TFB1M: variants seen among roughly 807,000 people sequenced by gnomAD.
The protein encoded by TFB1M is transcription factor B1, mitochondrial.
Under a neutral mutation model 31.1 loss-of-function variants are expected in TFB1M, and 27 were observed. That is an observed-to-expected ratio of 0.87 (90% CI 0.64 to 1.20). The LOEUF (loss-of-function observed/expected upper bound fraction) is 1.20. Ranked by LOEUF, TFB1M falls within the 50% of genes most tolerant of loss-of-function variation. The pLI is 0.00. For missense variants in TFB1M, 394 were observed against 418.7 expected (o/e 0.94, Z 0.51); for synonymous variants, 166 against 151.8 (o/e 1.09, Z -0.69).
the TFB1M span, among the ~76,000 whole-genome samples, chr6:155,242,478 G>C: frequency 6.6e-6 from 1 of 152,308 alleles, no homozygotes; most frequent in South Asian, 2.1e-4. Context: ...GGTGAGGGAA[G>C]GCCAGGGAGG....
At chr6:155,236,334 A>G in the TFB1M span, among the ~76,000 whole-genome samples, 1 of 151,960 alleles carries the variant, frequency 6.6e-6, no homozygotes, top group South Asian at 2.1e-4. Context: ...CATGCAGGCC[A>G]CACATTAGCA....
At chr6:155,284,130 G>A (rs1776514378) in intron 5 of TFB1M, among the ~76,000 whole-genome samples, 1 of 152,274 alleles carries the variant, frequency 6.6e-6, no homozygotes, top group Admixed American at 6.5e-5. Flanking sequence ...TCACCTGAAC[G>A]CTCAGCTAAC....
intron 5 of TFB1M, among the ~76,000 whole-genome samples, chr6:155,268,023 T>G (rs1784741509): frequency 6.6e-6 from 1 of 152,178 alleles, no homozygotes; most frequent in Non-Finnish European, 1.5e-5. Flanking sequence ...AGACAGGAAA[T>G]TTTGGGTTCT....
intron 2 of TFB1M, among the ~76,000 whole-genome samples, chr6:155,308,843 T>C: frequency 6.6e-6 from 1 of 152,196 alleles, no homozygotes; most frequent in East Asian, 1.9e-4. Context: ...ATCCTTAAAA[T>C]AGATCACCTT....
chr6:155,276,151 A>G (rs768237797), intron 5 of TFB1M: 2 of 1,614,232 alleles, frequency 1.2e-6, no homozygotes, highest in South Asian at 2.2e-5. Context: ...AGGAGATCAT[A>G]GCAAACTTTC....
At chr6:155,300,735 CT>C (rs1454251988) in intron 2 of TFB1M, among the ~76,000 whole-genome samples, 2 of 152,164 alleles carry the variant, frequency 1.3e-5, no homozygotes, top group African/African-American at 2.4e-5. Context: ...ACAGGTACAA[CT>C]GTATATCTAA....
At chr6:155,305,990 T>C (rs1312045813) in intron 2 of TFB1M, among the ~76,000 whole-genome samples, 4 of 151,404 alleles carry the variant, frequency 2.6e-5, no homozygotes, top group Non-Finnish European at 5.9e-5. Flanking sequence ...ATCTGAACCA[T>C]ATAAATATCT....
At chr6:155,274,477 G>C (rs879744680) in intron 5 of TFB1M, among the ~76,000 whole-genome samples, 1 of 152,188 alleles carries the variant, frequency 6.6e-6, no homozygotes, top group Non-Finnish European at 1.5e-5. Flanking sequence ...AACTAATGAT[G>C]TGGTTATTTC....
At chr6:155,313,255 G>GA (rs79295369) in intron 1 of TFB1M, 1,955 of 103,974 alleles carry the variant, frequency 0.019, 27 homozygotes, top group Non-Finnish European at 0.023. Flanking sequence ...CTTAAAAAAA[G>GA]AAAAAAAAAA....
At chr6:155,304,829 T>C (rs963082920) in intron 2 of TFB1M, among the ~76,000 whole-genome samples, 4 of 151,884 alleles carry the variant, frequency 2.6e-5, no homozygotes, top group Non-Finnish European at 4.4e-5. Context: ...GTCTTCAGTC[T>C]ATAGTAATAA....
At chr6:155,260,674 C>T in intron 5 of TFB1M, 3 of 488,338 alleles carry the variant, frequency 6.1e-6, no homozygotes, top group Non-Finnish European at 1.1e-5. Flanking sequence ...CACAGTTTCA[C>T]AATGGCTTAA....
At chr6:155,251,428 A>C (rs1783647171), downstream of TFB1M, among the ~76,000 whole-genome samples, 1 of 152,146 alleles carries the variant, frequency 6.6e-6, no homozygotes, top group Non-Finnish European at 1.5e-5. Context: ...CTGGGATTAC[A>C]GGTGCTCGCC....
At position 155,297,883 on chromosome 6, in the gene TFB1M, G is replaced by A. The variant is rs149026042; in HGVS notation, c.394+594C>T. The stretch of plus-strand genomic sequence containing the variant: ...GTCAGCTGGCAGAGACTGCAAGTGC[G>A]GCCCAACTGAAGGAGTCTGGTCATG... On this transcript the variant is annotated intron_variant, in intron 3 of 6. Transcript: ENST00000367166. Among the ~76,000 whole-genome samples, 355 of 152,320 alleles carry A rather than the reference G, an allele frequency of 2.3e-3. 3 individuals carry two copies. Among genetic ancestry groups the A allele is most frequent in the Non-Finnish European group, 2.9e-3 (198 of 68,028 alleles).
At chr6:155,309,552 T>G (rs866497960) in intron 2 of TFB1M, among the ~76,000 whole-genome samples, 16 of 152,160 alleles carry the variant, frequency 1.1e-4, no homozygotes, top group African/African-American at 3.9e-4. Context: ...AAAGATCTTT[T>G]GTTCATATCA....
At chr6:155,271,106 G>A (rs1415758677) in intron 5 of TFB1M, among the ~76,000 whole-genome samples, 1 of 152,120 alleles carries the variant, frequency 6.6e-6, no homozygotes, top group Non-Finnish European at 1.5e-5. Context: ...CCAGATAACC[G>A]AAACATGTGT....
the TFB1M span, among the ~76,000 whole-genome samples, chr6:155,247,759 T>C: frequency 6.6e-6 from 1 of 152,238 alleles, no homozygotes; most frequent in Non-Finnish European, 1.5e-5. Flanking sequence ...TGTTAGTCTT[T>C]GGGGCGCAGC....
At chr6:155,290,407 A>AG (rs35670743) in intron 4 of TFB1M, among the ~76,000 whole-genome samples, 1 of 34,852 alleles carries the variant, frequency 2.9e-5, no homozygotes, top group Non-Finnish European at 5.0e-5. Context: ...AAAAAAAAAA[A>AG]AAAGAAAAGA....
the TFB1M span, among the ~76,000 whole-genome samples, chr6:155,243,842 G>A: frequency 7.6e-3 from 461 of 61,034 alleles, 4 homozygotes; most frequent in African/African-American, 0.032. Flanking sequence ...GCAAGACTCC[G>A]TCTCAAAAAA....
chr6:155,243,923 G>T, the TFB1M span: 1 of 931,196 alleles, frequency 1.1e-6, no homozygotes, highest in South Asian at 1.3e-5. Context: ...GGGAGCCTTG[G>T]GAGCTGCTGC....
Sources: gnomAD v4.1 joint callset for allele counts (sites outside exome capture counted in the v4.1 genomes callset) on GRCh38, gnomAD v4.1.1 for gene constraint, MANE v1.5 for transcripts, NCBI Gene and HGNC (gene_info 2026-07-23, HGNC 2026-07-21) for gene names.